ADAM9: variants seen among roughly 807,000 people sequenced by gnomAD.
The protein encoded by ADAM9 is disintegrin and metalloproteinase domain-containing protein 9.
In ADAM9, 54 loss-of-function variants were observed where a neutral mutation model predicts 108.1. That is an observed-to-expected ratio of 0.50 (90% CI 0.40 to 0.63). The LOEUF is 0.63. Among genes scored for constraint, ADAM9 ranks in the 20% least tolerant of loss-of-function variants. The pLI is 0.00. For synonymous variants in ADAM9, 316 were observed against 336.0 expected, an observed-to-expected ratio of 0.94 and a Z score of 0.65; for missense variants, 830 against 997.7, an observed-to-expected ratio of 0.83 and a Z score of 2.26.
intron 12 of ADAM9, among the ~76,000 whole-genome samples, chr8:39,050,407 T>C (rs900144849): frequency 3.9e-5 from 6 of 152,164 alleles, no homozygotes; most frequent in Admixed American, 6.5e-5. Flanking sequence ...TATTAGTCTC[T>C]TGATGGTGTC....
chr8:39,075,588 T>G (rs1052627350), intron 15 of ADAM9, among the ~76,000 whole-genome samples: 1 of 152,240 alleles, frequency 6.6e-6, no homozygotes, highest in African/African-American at 2.4e-5. Context: ...GCTGCCTGTT[T>G]ACATCTTTGC....
intron 1 of ADAM9, among the ~76,000 whole-genome samples, chr8:39,001,993 T>C (rs1459413653): frequency 6.8e-6 from 1 of 147,396 alleles, no homozygotes; most frequent in Non-Finnish European, 1.5e-5. Context: ...ATATACGGTA[T>C]GTATTTATCT....
intron 18 of ADAM9, among the ~76,000 whole-genome samples, chr8:39,087,797 C>G (rs142811669): frequency 6.6e-6 from 1 of 152,042 alleles, no homozygotes; most frequent in African/African-American, 2.4e-5. Flanking sequence ...TACAGTTGAC[C>G]GTTGAACAAT....
At chr8:39,052,765 C>G (rs1352444964) in intron 12 of ADAM9, among the ~76,000 whole-genome samples, 1 of 152,126 alleles carries the variant, frequency 6.6e-6, no homozygotes, top group Non-Finnish European at 1.5e-5. Flanking sequence ...ATGAAGCCAA[C>G]TGTCCTGCAG....
At chr8:39,022,043 G>A (rs1205924465) in intron 8 of ADAM9, among the ~76,000 whole-genome samples, 2 of 150,750 alleles carry the variant, frequency 1.3e-5, no homozygotes, top group African/African-American at 4.9e-5. Flanking sequence ...CTTCTACCCT[G>A]AAAACATGAT....
At chr8:39,050,842 T>G (rs868311835) in intron 12 of ADAM9, among the ~76,000 whole-genome samples, 119 of 149,524 alleles carry the variant, frequency 8.0e-4, no homozygotes, top group African/African-American at 2.9e-3. Flanking sequence ...TTTTTTTTTT[T>G]TTTTTTTTTT....
rs545637248 is a variant in ADAM9, at chr8:39,091,245, A to T, written c.2211-14A>T. 21 of 1,610,044 alleles carry T rather than the reference A, an allele frequency of 1.3e-5. No individual in the cohort carries two copies. The South Asian group carries it at 2.0e-4, about 15-fold the overall frequency. On this transcript the variant is annotated splice_polypyrimidine_tract_variant and intron_variant, in intron 19 of 21. Coordinates refer to ENST00000487273, the MANE Select transcript of ADAM9 (RefSeq NM_003816.3). ...TTTATCTTAATTTAGATCAAAAGTAATTGTATCTTTCAGGTCAGATGGCAA... is the reference window on the plus strand; with the variant it reads ...TTTATCTTAATTTAGATCAAAAGTATTTGTATCTTTCAGGTCAGATGGCAA...
rs1278514150 is a variant in ADAM9, at chr8:39,067,183, T to C, written c.1592-4115T>C. 3.3e-5 allele frequency among the ~76,000 whole-genome samples: 5 copies of C among 152,320 alleles called. No individual in the cohort carries two copies. The East Asian group carries it at 7.7e-4, about 23-fold the overall frequency. On this transcript the variant is annotated intron_variant, in intron 14 of 21. Coordinates refer to ENST00000487273, the MANE Select transcript of ADAM9 (RefSeq NM_003816.3). ...TGTAGTATAGTTTGAAGTCAGGTAGTGTGATGCCTCCAGCTTTGTTCTTTT... is the reference window on the plus strand; with the variant it reads ...TGTAGTATAGTTTGAAGTCAGGTAGCGTGATGCCTCCAGCTTTGTTCTTTT...
intron 1 of ADAM9, among the ~76,000 whole-genome samples, chr8:38,999,558 G>A (rs1441839705): frequency 6.6e-6 from 1 of 152,030 alleles, no homozygotes; most frequent in African/African-American, 2.4e-5. Context: ...TACTAATCTC[G>A]TTTTCAGATG....
intron 1 of ADAM9, among the ~76,000 whole-genome samples, chr8:39,005,772 A>G (rs956339130): frequency 6.6e-6 from 1 of 152,186 alleles, no homozygotes; most frequent in Non-Finnish European, 1.5e-5. Context: ...ACAAATCATG[A>G]TAGGACTGAT....
Position 39,011,693 on chromosome 8 carries a change from T to C in ADAM9, c.231T>C (p.His77=), listed in dbSNP as rs750570805. Residue 77 remains histidine, a synonymous_variant, in exon 3 of 22, where the codon CAT becomes CAC. Transcript: ENST00000487273. The stretch of plus-strand genomic sequence containing the variant: ...TTATTCAGGCTGAAGGAAAAGAGCA[T>C]ATTATTCACTTGGAAAGGAACAAGT... ...SYVIQAEGKE[H]IIHLERNKDL... is the part of the protein sequence containing the mutation. The C allele has an allele frequency of 1.7e-5, 27 of 1,611,762 alleles. No homozygotes were observed. The highest frequency in any genetic ancestry group is 2.2e-5 in the Non-Finnish European group (26 of 1,177,880).
chr8:39,050,433 G>A (rs1837919169), intron 12 of ADAM9, among the ~76,000 whole-genome samples: 1 of 147,616 alleles, frequency 6.8e-6, no homozygotes, highest in Non-Finnish European at 1.5e-5. Flanking sequence ...AGTCCCTTAA[G>A]CTTTCTTCAC....
rs1458233507 is a variant in ADAM9 at position 39,091,363 on chromosome 8, A to G, written c.2298+17A>G. ...AGAGAAGTTGTAAGTATAAAATGAA[A>G]AATTATTTTTCTTTACTGTATTAAA... On this transcript the variant is annotated intron_variant, in intron 20 of 21. Coordinates refer to ENST00000487273, the MANE Select transcript of ADAM9 (RefSeq NM_003816.3). 6.2e-7 allele frequency: 1 copy of G among 1,602,898 alleles called. No individual in the cohort carries two copies. The highest frequency in any genetic ancestry group is 1.3e-5 in the African/African-American group (1 of 74,672).
At chr8:39,087,187 G>A (rs992927229) in intron 18 of ADAM9, among the ~76,000 whole-genome samples, 10 of 152,190 alleles carry the variant, frequency 6.6e-5, no homozygotes, top group Non-Finnish European at 1.3e-4. Context: ...GCCCACACCC[G>A]AGTGTCTGTT....
At chr8:39,083,116 C>G (rs1162488952) in intron 18 of ADAM9, 43 bp downstream of exon 18, 1 of 1,528,992 alleles carries the variant, frequency 6.5e-7, no homozygotes, top group East Asian at 2.3e-5. Flanking sequence ...CCCAGTGGCC[C>G]AAGGCATAAA....
intron 2 of ADAM9, among the ~76,000 whole-genome samples, chr8:39,008,484 C>A (rs188816806): frequency 6.6e-6 from 1 of 152,154 alleles, no homozygotes. Flanking sequence ...AGTATCTTTT[C>A]TTTTTTAAAG....
rs137853041 is a variant in ADAM9 at position 39,017,298 on chromosome 8, C to T, written c.490C>T (p.Arg164Ter). ...CTCTCATTTTGAGCACATCATTTAT[C>T]GAATGGATGATGTCTACAAAGAGCC... The part of the protein sequence containing the change: ...NSSHFEHIIY[R>*]MDDVYKEPLK... The change falls in exon 6 of 22, where the codon CGA (arginine) becomes TGA (stop). Residue 164 changes from arginine (R) to a stop codon, truncating the protein, a stop_gained. Transcript: ENST00000487273. LOFTEE classifies it high-confidence loss of function. The T allele has an allele frequency of 3.1e-6, 5 of 1,613,838 alleles. No individual in the cohort carries two copies. The highest frequency in any genetic ancestry group is 4.2e-6 in the Non-Finnish European group (5 of 1,179,972).
chr8:39,074,857 T>C (rs532186137), intron 15 of ADAM9, among the ~76,000 whole-genome samples: 1 of 152,008 alleles, frequency 6.6e-6, no homozygotes, highest in East Asian at 1.9e-4. Flanking sequence ...TTAACTTATG[T>C]CTCTATCATC....
chr8:39,032,983 A>G (rs1196717433), intron 11 of ADAM9, among the ~76,000 whole-genome samples: 1 of 152,202 alleles, frequency 6.6e-6, no homozygotes, highest in Non-Finnish European at 1.5e-5. Flanking sequence ...TGGGATTTTG[A>G]TTAGGATCGC....
Sources: allele counts gnomAD v4.1 joint callset (sites outside exome capture counted in the v4.1 genomes callset), GRCh38; gene constraint gnomAD v4.1.1; transcripts MANE v1.5; gene names NCBI Gene and HGNC (gene_info 2026-07-23, HGNC 2026-07-21).